Variants in PNCK observed in about 807,000 individuals in gnomAD.
PNCK encodes pregnancy up-regulated nonubiquitous CaM kinase.
Under a neutral mutation model 28.3 loss-of-function variants are expected in PNCK, and 21 were observed. That is an observed-to-expected ratio of 0.74 (90% CI 0.53 to 1.07). The LOEUF (loss-of-function observed/expected upper bound fraction) is 1.07, where lower values mean the gene tolerates loss of function less well. Ranked by LOEUF, PNCK falls within the 50% of genes least tolerant of loss-of-function variation. The probability of loss-of-function intolerance (pLI) is 0.00; values close to 1 mark genes in which losing one functional copy is unlikely to be tolerated. For missense variants in PNCK, 250 were observed against 298.3 expected, an observed-to-expected ratio of 0.84 and a Z score of 1.19; for synonymous variants, 136 against 125.2, an observed-to-expected ratio of 1.09 and a Z score of -0.58.
At chrX:153,674,056 G>T, upstream of PNCK, 1 of 1,205,864 alleles carries the variant, frequency 8.3e-7, no homozygotes, top group Non-Finnish European at 1.1e-6. Context: ...ACCACCGGTG[G>T]CTGTCTCCCG....
chrX:153,671,760 T>C, intron 5 of PNCK, 88 bp from the exon 6 acceptor site: 2 of 1,161,899 alleles, frequency 1.7e-6, no homozygotes, highest in Non-Finnish European at 2.3e-6. Context: ...CACTCTCAGG[T>C]TCCCCAGAGC....
upstream of PNCK, chrX:153,674,106 T>C (rs1557041129): frequency 1.7e-6 from 2 of 1,210,445 alleles, no homozygotes; most frequent in South Asian, 3.5e-5. Context: ...CTCTCTGCCT[T>C]CCAGTCTCTG....
Position 153,670,810 on chromosome X carries a change from G to A in PNCK, c.828C>T (p.Phe276=), listed in dbSNP as rs145290002. 35 of 1,209,958 alleles carry A rather than the reference G, an allele frequency of 2.9e-5. No homozygotes were observed. Among genetic ancestry groups the A allele is most frequent in the Middle Eastern group, 2.3e-4 (1 of 4,374 alleles). ...RHLWISGDTA[F]DRDILGSVSE... is the part of the protein sequence containing the mutation. ...TGACAGAGCCTAAGATGTCCCTGTCGAAGGCTGTGTCCCCAGAGATCCTGG... is the reference window on the plus strand; with the variant it reads ...TGACAGAGCCTAAGATGTCCCTGTCAAAGGCTGTGTCCCCAGAGATCCTGG... Residue 276 remains phenylalanine, a synonymous_variant, in exon 10 of 12, where the codon TTC becomes TTT. Coordinates refer to ENST00000340888, the MANE Select transcript of PNCK (RefSeq NM_001366977.1).
chrX:153,677,088 C>T (rs191746203), upstream of PNCK, among the ~76,000 whole-genome samples: 9 of 110,394 alleles, frequency 8.2e-5, no homozygotes, highest in Non-Finnish European at 1.1e-4. Flanking sequence ...TACAGGCACC[C>T]GCCACCACGC....
chrX:153,670,683 G>A lies in PNCK; in HGVS notation c.894+61C>T, dbSNP rs925973790. The A allele has an allele frequency of 4.3e-5, 51 of 1,185,820 alleles. No individual in the cohort carries two copies. In the African/African-American group the frequency reaches 4.9e-4, roughly 11 times the overall value. ...ACTGCAGTGGTCACTGGGCAGCCAC[G>A]GCGATCAGGCTACAGCTGGGGTGCG... On this transcript the variant is annotated intron_variant, in intron 10 of 11. Coordinates refer to ENST00000340888, the MANE Select transcript of PNCK (RefSeq NM_001366977.1).
intron 1 of PNCK, among the ~76,000 whole-genome samples, chrX:153,681,028 CAA>C (rs782745110): frequency 2.3e-4 from 7 of 30,223 alleles, no homozygotes; most frequent in Non-Finnish European, 4.3e-4. Context: ...GAACCTGTCT[CAA>C]AAAAAAAAAA....
chrX:153,679,570 T>TCTTTC (rs1460123784), upstream of PNCK, among the ~76,000 whole-genome samples: 2 of 86,871 alleles, frequency 2.3e-5, no homozygotes, highest in African/African-American at 9.5e-5. Context: ...TCTTTTCTTT[T>TCTTTC]TTTTTTTTTT....
At chrX:153,674,211 C>A, upstream of PNCK, 1 of 1,171,872 alleles carries the variant, frequency 8.5e-7, no homozygotes. Context: ...TGCACCACAG[C>A]TCTGCCACCC....
At chrX:153,673,520 C>A (rs1235703989) in intron 1 of PNCK, 52 of 377,046 alleles carry the variant, frequency 1.4e-4, no homozygotes, top group African/African-American at 5.6e-5. Flanking sequence ...GATGCACCTG[C>A]GACCCCCGCG....
intron 1 of PNCK, among the ~76,000 whole-genome samples, chrX:153,684,112 A>G (rs1354396204): frequency 1.8e-5 from 2 of 111,808 alleles, no homozygotes; most frequent in Admixed American, 9.5e-5. Flanking sequence ...TAAACTATAA[A>G]CGAAATTTCT....
chrX:153,681,279 C>A (rs2091394626), intron 1 of PNCK, among the ~76,000 whole-genome samples: 3 of 109,765 alleles, frequency 2.7e-5, no homozygotes, highest in Non-Finnish European at 5.7e-5. Flanking sequence ...AGGAGGTGGC[C>A]CCGCTCCCTA....
intron 5 of PNCK, 96 bp downstream of exon 5, chrX:153,671,784 G>A (rs2091303986): frequency 1.7e-6 from 2 of 1,170,032 alleles, no homozygotes; most frequent in Admixed American, 4.8e-5. Flanking sequence ...GGTGGAGCAG[G>A]AGATCAAGAA....
At chrX:153,679,347 G>A (rs1356096967), upstream of PNCK, among the ~76,000 whole-genome samples, 1 of 108,458 alleles carries the variant, frequency 9.2e-6, no homozygotes, top group Non-Finnish European at 1.9e-5. Flanking sequence ...ATTAGGAGTT[G>A]TCAGTGTTTT....
At chrX:153,679,409 T>C (rs1557042156), upstream of PNCK, among the ~76,000 whole-genome samples, 1 of 108,546 alleles carries the variant, frequency 9.2e-6, no homozygotes, top group Admixed American at 1.0e-4. Flanking sequence ...TGGTTTTAAT[T>C]TGCAATTCCC....
intron 1 of PNCK, chrX:153,673,407 C>A: frequency 1.3e-6 from 1 of 762,038 alleles, no homozygotes; most frequent in Non-Finnish European, 1.9e-6. Flanking sequence ...GTCCCTCCCC[C>A]ATCCACACAT....
intron 1 of PNCK, among the ~76,000 whole-genome samples, chrX:153,685,998 G>A (rs2091417400): frequency 1.8e-5 from 2 of 112,244 alleles, no homozygotes; most frequent in South Asian, 3.7e-4. Flanking sequence ...CCAGGAGGTC[G>A]TGGGAGTCAG....
intron 1 of PNCK, among the ~76,000 whole-genome samples, chrX:153,684,705 G>A (rs782312436): frequency 1.2e-4 from 13 of 111,101 alleles, no homozygotes; most frequent in African/African-American, 4.3e-4. Context: ...CCCAGGGCCC[G>A]GTGGCCCCTC....
At chrX:153,684,476 GC>G (rs2091408590) in intron 1 of PNCK, among the ~76,000 whole-genome samples, 1 of 101,988 alleles carries the variant, frequency 9.8e-6, no homozygotes, top group South Asian at 4.6e-4. Flanking sequence ...GCAGGCCCTC[GC>G]CCCCAGCCCC....
intron 1 of PNCK, chrX:153,673,446 T>G: frequency 5.1e-6 from 2 of 394,942 alleles, no homozygotes; most frequent in Non-Finnish European, 7.3e-6. Flanking sequence ...CACCCCCGCC[T>G]AGACCCGCCA....
Sources: gnomAD v4.1 joint callset for allele counts (sites outside exome capture counted in the v4.1 genomes callset) on GRCh38, gnomAD v4.1.1 for gene constraint, MANE v1.5 for transcripts, NCBI Gene and HGNC (gene_info 2026-07-23, HGNC 2026-07-21) for gene names.